PCDH15: variants seen among roughly 807,000 people sequenced by gnomAD.
PCDH15 encodes protocadherin related 15, also known as protocadherin-15.
In PCDH15, 129 loss-of-function variants were observed where a neutral mutation model predicts 178.5. The observed-to-expected ratio is 0.72, with a 90% CI of 0.63 to 0.84. The LOEUF (loss-of-function observed/expected upper bound fraction) is 0.84. Ranked by LOEUF, PCDH15 falls within the 40% of genes least tolerant of loss-of-function variation. PCDH15 has a pLI of 0.00. For missense variants in PCDH15, 2,230 were observed against 2,099.9 expected (o/e 1.06, Z -1.21); for synonymous variants, 800 against 732.0 (o/e 1.09, Z -1.50).
intron 18 of PCDH15, among the ~76,000 whole-genome samples, chr10:54,031,933 T>C (rs188013897): frequency 8.5e-5 from 13 of 152,200 alleles, no homozygotes; most frequent in Non-Finnish European, 1.2e-4. Context: ...GAGGAAAACC[T>C]GGGAGGACTC....
chr10:55,394,986 G>C (rs937316236), intron 2 of PCDH15, among the ~76,000 whole-genome samples: 2 of 151,920 alleles, frequency 1.3e-5, no homozygotes, highest in Non-Finnish European at 2.9e-5. Context: ...CTTGGGCAAC[G>C]TGAATTGTAA....
At chr10:54,474,070 C>T (rs2078103672) in intron 3 of PCDH15, among the ~76,000 whole-genome samples, 1 of 151,614 alleles carries the variant, frequency 6.6e-6, no homozygotes. Context: ...AACAGAAATG[C>T]AAATAAATAA....
intron 3 of PCDH15, among the ~76,000 whole-genome samples, chr10:54,469,243 C>A (rs141940038): frequency 6.6e-6 from 1 of 152,046 alleles, no homozygotes; most frequent in Non-Finnish European, 1.5e-5. Context: ...ACTACAGGCA[C>A]GCACCACCAC....
At chr10:55,423,007 C>T (rs768799626) in intron 2 of PCDH15, among the ~76,000 whole-genome samples, 7 of 151,714 alleles carry the variant, frequency 4.6e-5, no homozygotes, top group Non-Finnish European at 1.0e-4. Flanking sequence ...GTACAATGTA[C>T]ATAAATTACT....
intron 2 of PCDH15, among the ~76,000 whole-genome samples, chr10:55,583,200 C>A (rs745847215): frequency 6.6e-6 from 1 of 152,096 alleles, no homozygotes; most frequent in Non-Finnish European, 1.5e-5. Context: ...AATCACGGTG[C>A]AAACTAATGA....
chr10:54,514,381 T>C (rs1425376252), intron 3 of PCDH15, among the ~76,000 whole-genome samples: 2 of 152,060 alleles, frequency 1.3e-5, no homozygotes, highest in African/African-American at 4.8e-5. Context: ...TTTAATCAGA[T>C]AAATATATAA....
At chr10:54,482,269 A>T (rs112089096) in intron 3 of PCDH15, among the ~76,000 whole-genome samples, 2,869 of 151,958 alleles carry the variant, frequency 0.019, 52 homozygotes, top group South Asian at 0.087. Context: ...GAATAGTCTC[A>T]TTCAAAGTTG....
intron 2 of PCDH15, among the ~76,000 whole-genome samples, chr10:55,476,798 A>G (rs1840070742): frequency 6.6e-6 from 1 of 152,046 alleles, no homozygotes; most frequent in Non-Finnish European, 1.5e-5. Context: ...CATTCAAAAT[A>G]TAACTAAAGA....
At chr10:54,727,499 T>C (rs1942740804) in intron 1 of PCDH15, among the ~76,000 whole-genome samples, 1 of 150,056 alleles carries the variant, frequency 6.7e-6, no homozygotes, top group Non-Finnish European at 1.5e-5. Flanking sequence ...AAAAGACAGA[T>C]TTCACACTAA....
chr10:54,225,496 T>C (rs1428456804), intron 9 of PCDH15, among the ~76,000 whole-genome samples: 1 of 152,162 alleles, frequency 6.6e-6, no homozygotes, highest in East Asian at 1.9e-4. Context: ...CCTAATCTCT[T>C]ACCTTACTTA....
chr10:54,969,269 T>C (rs1406700264), intron 2 of PCDH15, among the ~76,000 whole-genome samples: 3 of 152,130 alleles, frequency 2.0e-5, no homozygotes, highest in Non-Finnish European at 4.4e-5. Flanking sequence ...GTGATCCTTT[T>C]TGGTATGGCT....
intron 13 of PCDH15, among the ~76,000 whole-genome samples, chr10:54,179,271 G>C (rs11004122): frequency 0.27 from 40,682 of 151,868 alleles, 6,251 homozygotes; most frequent in Non-Finnish European, 0.36. Context: ...CCTTTGTAGG[G>C]ACATAGATGA....
chr10:55,169,016 A>G (rs1277169725), intron 1 of PCDH15, among the ~76,000 whole-genome samples: 1 of 152,178 alleles, frequency 6.6e-6, no homozygotes, highest in Non-Finnish European at 1.5e-5. Context: ...TCTCTGTGGT[A>G]TTTCACTTAT....
intron 2 of PCDH15, among the ~76,000 whole-genome samples, chr10:54,564,474 C>T (rs1258738506): frequency 2.0e-5 from 3 of 152,084 alleles, no homozygotes; most frequent in South Asian, 4.1e-4. Context: ...TAGATAAAGG[C>T]TATCTCAAAT....
At chr10:55,171,116 A>G (rs1252759231) in intron 1 of PCDH15, among the ~76,000 whole-genome samples, 1 of 152,114 alleles carries the variant, frequency 6.6e-6, no homozygotes, top group African/African-American at 2.4e-5. Context: ...TTTTTATTCA[A>G]CCTATGGAAT....
intron 10 of PCDH15, among the ~76,000 whole-genome samples, chr10:54,198,562 C>T (rs1419380263): frequency 2.4e-5 from 2 of 82,226 alleles, no homozygotes; most frequent in African/African-American, 1.4e-4. Flanking sequence ...AGTGCAGTGG[C>T]GGGATCTCGG....
At chr10:54,497,142 C>G (rs559699824) in intron 3 of PCDH15, among the ~76,000 whole-genome samples, 1 of 152,014 alleles carries the variant, frequency 6.6e-6, no homozygotes, top group Admixed American at 6.6e-5. Context: ...TCCAAGCCAT[C>G]CAGGGTTAGA....
chr10:54,797,550 A>G (rs944363234), intron 1 of PCDH15, among the ~76,000 whole-genome samples: 2 of 145,744 alleles, frequency 1.4e-5, no homozygotes, highest in African/African-American at 5.1e-5. Context: ...ACACACACAC[A>G]CGATCATCTT....
intron 23 of PCDH15, among the ~76,000 whole-genome samples, chr10:53,955,449 G>A (rs539566282): frequency 6.6e-6 from 1 of 152,084 alleles, no homozygotes; most frequent in African/African-American, 2.4e-5. Flanking sequence ...CAATAATTCA[G>A]TTAAACATTC....
Sources: allele counts gnomAD v4.1 joint callset (sites outside exome capture counted in the v4.1 genomes callset), GRCh38; gene constraint gnomAD v4.1.1; transcripts MANE v1.5; gene names NCBI Gene and HGNC (gene_info 2026-07-23, HGNC 2026-07-21).